The following CNTNAP3B variants were observed in gnomAD, a reference collection of about 807,000 sequenced individuals.
CNTNAP3B encodes contactin associated protein family member 3B.
In CNTNAP3B, 25 loss-of-function variants were observed where a neutral mutation model predicts 108.9. That is an observed-to-expected ratio of 0.23 (90% CI 0.17 to 0.32). The LOEUF (loss-of-function observed/expected upper bound fraction) is 0.32, where lower values mean the gene tolerates loss of function less well. CNTNAP3B is among the 10% of genes least tolerant of loss of function. The pLI, the probability that CNTNAP3B is intolerant of heterozygous loss-of-function variation, is 1.00. For missense variants in CNTNAP3B, 252 were observed against 1,210.4 expected (o/e 0.21, Z 11.75); for synonymous variants, 103 against 473.4 (o/e 0.22, Z 10.16).
Position 41,933,114 on chromosome 9 carries a change from AT to A in CNTNAP3B, c.2238-3671del, listed in dbSNP as rs1352335738. Among the ~76,000 whole-genome samples the A allele has an allele frequency of 3.9e-5, 6 of 152,366 alleles. No homozygotes were observed. The East Asian group carries it at 9.6e-4, about 25-fold the overall frequency. ...ATCCACACAAGTAAAAACACTTGGC[AT>A]TTTTTGGAATTTTGTTAAAATTACA... On this transcript the variant is annotated intron_variant, in intron 14 of 23. Coordinates refer to ENST00000377561, the MANE Select transcript of CNTNAP3B (RefSeq NM_001201380.3).
At chr9:41,937,281 C>T (rs1235415139) in intron 14 of CNTNAP3B, among the ~76,000 whole-genome samples, 40 of 151,758 alleles carry the variant, frequency 2.6e-4, no homozygotes, top group African/African-American at 9.0e-4. Context: ...CACACACAGC[C>T]ACACCTGGCT....
intron 4 of CNTNAP3B, among the ~76,000 whole-genome samples, chr9:41,999,851 C>CA (rs1312857329): frequency 1.5e-5 from 1 of 65,626 alleles, no homozygotes; most frequent in Non-Finnish European, 2.9e-5. Context: ...TAATATTTGT[C>CA]AAAATCACAT....
intron 12 of CNTNAP3B, among the ~76,000 whole-genome samples, chr9:41,956,272 G>C (rs1430583672): frequency 1.3e-5 from 2 of 151,726 alleles, no homozygotes; most frequent in Non-Finnish European, 1.5e-5. Context: ...TGTAGTCCCA[G>C]CTACCGGGGA....
intron 12 of CNTNAP3B, among the ~76,000 whole-genome samples, chr9:41,953,869 T>C (rs1454149082): frequency 3.3e-5 from 5 of 151,974 alleles, no homozygotes; most frequent in African/African-American, 1.2e-4. Flanking sequence ...TTTAATTATG[T>C]CAGCTTCTCC....
In CNTNAP3B at chr9:42,076,853, GT is replaced by G. The variant is rs1366588706; in HGVS notation, c.390+15del. On this transcript the variant is annotated intron_variant, in intron 3 of 23. Coordinates refer to ENST00000377561, the MANE Select transcript of CNTNAP3B (RefSeq NM_001201380.3). ...TTTGCAGCAATAGGTAGCAATTATT[GT>G]TATTAGAAACATACCCAGATGCTTT... 2 of 1,540,848 alleles carry G rather than the reference GT, an allele frequency of 1.3e-6. 1 individual carries two copies. Among genetic ancestry groups the G allele is most frequent in the African/African-American group, 3.1e-5 (2 of 63,644 alleles).
At chr9:42,098,417 CAAAA>C (rs375793085) in intron 2 of CNTNAP3B, among the ~76,000 whole-genome samples, 1 of 96,072 alleles carries the variant, frequency 1.0e-5, no homozygotes, top group South Asian at 3.5e-4. Context: ...ACTAAAAATA[CAAAA>C]AAAAAAAAAA....
intron 1 of CNTNAP3B, among the ~76,000 whole-genome samples, chr9:42,124,187 A>C (rs1314522620): frequency 7.4e-6 from 1 of 135,316 alleles, no homozygotes; most frequent in Non-Finnish European, 1.6e-5. Context: ...GATTTCAATC[A>C]CTCTTCGTAT....
intron 14 of CNTNAP3B, among the ~76,000 whole-genome samples, chr9:41,935,489 C>T (rs1406627164): frequency 5.3e-5 from 8 of 152,288 alleles, no homozygotes; most frequent in African/African-American, 1.9e-4. Flanking sequence ...GTTCTTATGT[C>T]TACACCTTAA....
chr9:42,089,458 C>T (rs927372229), intron 2 of CNTNAP3B, among the ~76,000 whole-genome samples: 5 of 137,550 alleles, frequency 3.6e-5, no homozygotes, highest in African/African-American at 1.4e-4. Context: ...AGATCGCATA[C>T]TATAACAAAC....
At chr9:41,935,121 T>C (rs1444615854) in intron 14 of CNTNAP3B, among the ~76,000 whole-genome samples, 1 of 152,302 alleles carries the variant, frequency 6.6e-6, no homozygotes, top group Non-Finnish European at 1.5e-5. Flanking sequence ...CATAGTTCAA[T>C]ATTTTAAATC....
intron 3 of CNTNAP3B, among the ~76,000 whole-genome samples, chr9:42,055,454 A>G (rs1026036475): frequency 1.4e-5 from 2 of 144,776 alleles, no homozygotes; most frequent in Admixed American, 1.4e-4. Flanking sequence ...TAAATGTACC[A>G]TGACCACTGA....
At position 42,127,818 on chromosome 9, in the gene CNTNAP3B, C is replaced by T. The variant is rs572232310; in HGVS notation, c.85+1192G>A. On this transcript the variant is annotated intron_variant, in intron 1 of 23. Coordinates refer to ENST00000377561, the MANE Select transcript of CNTNAP3B (RefSeq NM_001201380.3). ...TGAGTGCATGAACCCATGTGCGTGC[C>T]CTGTGTGTGAAGAAACAACCCACCC... 1.4e-5 allele frequency among the ~76,000 whole-genome samples: 2 copies of T among 139,048 alleles called. 1 individual carries two copies. Among genetic ancestry groups the T allele is most frequent in the East Asian group, 4.4e-4 (2 of 4,582 alleles). The allele number at this position is 139,048 out of a possible 152,430, so 91.2% of individuals were successfully genotyped here. A position where few individuals can be genotyped will look rare whatever the true frequency, so the allele number is the denominator to read the frequency against.
chr9:41,964,707 C>A (rs868789499), intron 10 of CNTNAP3B, 63 bp from the exon 11 acceptor site: 3 of 1,537,120 alleles, frequency 2.0e-6, no homozygotes, highest in Non-Finnish European at 1.8e-6. Flanking sequence ...AAGTGTCTTA[C>A]CAAAAACAGG....
At chr9:41,944,659 A>G (rs1164061827) in intron 13 of CNTNAP3B, among the ~76,000 whole-genome samples, 2 of 151,688 alleles carry the variant, frequency 1.3e-5, no homozygotes, top group Non-Finnish European at 2.9e-5. Context: ...AATAAAAAAG[A>G]GTTACAATAT....
chr9:41,991,204 A>G lies in CNTNAP3B; in HGVS notation c.1333+406T>C, dbSNP rs1825799287. Among the ~76,000 whole-genome samples, 2 of 95,276 alleles carry G rather than the reference A, an allele frequency of 2.1e-5. 1 individual carries two copies. The highest frequency in any genetic ancestry group is 6.3e-4 in the South Asian group (2 of 3,188). The allele number at this position is 95,276 out of a possible 152,430, so 62.5% of individuals were successfully genotyped here. ...GATAGTTATCAATTGACTACTGTGTATAGAATATTTGTGCACAGACCCTGA... is the reference window on the plus strand; with the variant it reads ...GATAGTTATCAATTGACTACTGTGTGTAGAATATTTGTGCACAGACCCTGA... On this transcript the variant is annotated intron_variant, in intron 8 of 23. Coordinates refer to ENST00000377561, the MANE Select transcript of CNTNAP3B (RefSeq NM_001201380.3).
Position 42,125,619 on chromosome 9 carries a change from A to G in CNTNAP3B, c.85+3391T>C, listed in dbSNP as rs1190054749. Among the ~76,000 whole-genome samples the G allele has an allele frequency of 1.5e-5, 2 of 137,126 alleles. 1 individual carries two copies. The highest frequency in any genetic ancestry group is 3.1e-5 in the Non-Finnish European group (2 of 64,178). 90.0% of individuals were successfully genotyped at this position (137,126 alleles called of 152,430 possible). A position where few individuals can be genotyped will look rare whatever the true frequency, so the allele number is the denominator to read the frequency against. ...GCTACTTCAGCTCCGTACTGTTTGT[A>G]TAGAGTTTGGTGAAAATGAATAAAG... On this transcript the variant is annotated intron_variant, in intron 1 of 23. Coordinates refer to ENST00000377561, the MANE Select transcript of CNTNAP3B (RefSeq NM_001201380.3).
chr9:41,950,043 C>T (rs1227240958), intron 13 of CNTNAP3B, among the ~76,000 whole-genome samples: 1 of 126,744 alleles, frequency 7.9e-6, no homozygotes, highest in Non-Finnish European at 1.7e-5. Context: ...CAAAACAAAT[C>T]CAAACAATCC....
intron 13 of CNTNAP3B, among the ~76,000 whole-genome samples, chr9:41,948,477 C>G (rs1193707751): frequency 2.0e-5 from 3 of 148,422 alleles, no homozygotes; most frequent in Admixed American, 1.3e-4. Context: ...AGAATGCTAC[C>G]AAATTCATTT....
chr9:41,995,583 A>AATT (rs1291388855), intron 7 of CNTNAP3B, among the ~76,000 whole-genome samples: 3 of 128,470 alleles, frequency 2.3e-5, no homozygotes, highest in Non-Finnish European at 3.2e-5. Flanking sequence ...AAAATACAAA[A>AATT]AGCCGGGCAT....
Sources: gnomAD v4.1 joint callset for allele counts (sites outside exome capture counted in the v4.1 genomes callset) on GRCh38, gnomAD v4.1.1 for gene constraint, MANE v1.5 for transcripts, NCBI Gene and HGNC (gene_info 2026-07-23, HGNC 2026-07-21) for gene names.